ADAM2: variants seen among roughly 807,000 people sequenced by gnomAD.
The protein encoded by ADAM2 is ADAM metallopeptidase domain 2.
Under a neutral mutation model 99.3 loss-of-function variants are expected in ADAM2, and 101 were observed. That is an observed-to-expected ratio of 1.02 (90% confidence interval 0.87 to 1.20). ADAM2 has a LOEUF of 1.20. ADAM2 is among the 50% of genes most tolerant of loss of function. The pLI, the probability that ADAM2 is intolerant of heterozygous loss-of-function variation, is 0.00. For synonymous variants in ADAM2, 323 were observed against 287.6 expected, an observed-to-expected ratio of 1.12 and a Z score of -1.25; for missense variants, 948 against 878.7, an observed-to-expected ratio of 1.08 and a Z score of -1.00.
At chr8:39,771,984 C>A (rs1397890539) in intron 11 of ADAM2, among the ~76,000 whole-genome samples, 1 of 151,398 alleles carries the variant, frequency 6.6e-6, no homozygotes, top group Non-Finnish European at 1.5e-5. Flanking sequence ...ATGTAAATGA[C>A]CAGTTAATGG....
chr8:39,824,565 C>G lies in ADAM2; in HGVS notation c.267+254G>C, dbSNP rs1306750071. 4.6e-5 allele frequency among the ~76,000 whole-genome samples: 7 copies of G among 152,138 alleles called. No individual in the cohort carries two copies. The East Asian group carries it at 1.4e-3, about 29-fold the overall frequency. ...TACATATTTCACAACATATTTAGTC[C>G]CTATCACCTCAGGTACATAAGCCCT... On this transcript the variant is annotated intron_variant, in intron 4 of 20. Transcript: ENST00000265708.
chr8:39,776,886 T>C (rs1009384370), intron 11 of ADAM2, 139 bp downstream of exon 11: 82 of 567,200 alleles, frequency 1.4e-4, no homozygotes, highest in Non-Finnish European at 2.2e-4. Flanking sequence ...ATCGTGGGCA[T>C]TGGAATACAC....
intron 16 of ADAM2, among the ~76,000 whole-genome samples, chr8:39,754,265 T>C (rs1802064998): frequency 6.6e-6 from 1 of 152,158 alleles, no homozygotes; most frequent in Non-Finnish European, 1.5e-5. Context: ...TTGAAGGCCA[T>C]GTAAAGGAGG....
chr8:39,770,853 T>C (rs1292263997), intron 11 of ADAM2, among the ~76,000 whole-genome samples: 3 of 152,156 alleles, frequency 2.0e-5, no homozygotes, highest in African/African-American at 7.2e-5. Flanking sequence ...TTTCTATATA[T>C]TCAATATGTG....
In ADAM2 at chr8:39,821,092, G is replaced by A. The variant is rs917035776; in HGVS notation, c.423C>T (p.Tyr141=). ...ESSVGFEHVI[Y]QVKHKKADVS... Reference sequence around the variant, plus strand: ...CATCTGCTTTCTTATGTTTTACTTGGTAAATTACATGTTCAAAGCCAACTG... The same window carrying A: ...CATCTGCTTTCTTATGTTTTACTTGATAAATTACATGTTCAAAGCCAACTG... The change falls in exon 6 of 21, where the codon TAC becomes TAT. Residue 141 remains tyrosine, a synonymous_variant. Transcript: ENST00000265708. 6.2e-7 allele frequency: 1 copy of A among 1,609,052 alleles called. No homozygotes were observed. Among genetic ancestry groups the A allele is most frequent in the Non-Finnish European group, 8.5e-7 (1 of 1,176,120 alleles).
chr8:39,805,511 A>G (rs949192922), intron 7 of ADAM2, among the ~76,000 whole-genome samples: 4 of 152,230 alleles, frequency 2.6e-5, no homozygotes. Flanking sequence ...TCATTTCAAG[A>G]TTCTGGAAAA....
intron 3 of ADAM2, among the ~76,000 whole-genome samples, chr8:39,828,840 T>C (rs1805513651): frequency 6.6e-6 from 1 of 151,854 alleles, no homozygotes; most frequent in Non-Finnish European, 1.5e-5. Context: ...TGGATGCTAA[T>C]TTGAAAGAAA....
intron 4 of ADAM2, among the ~76,000 whole-genome samples, chr8:39,823,147 CTGTT>C (rs918033051): frequency 6.6e-6 from 1 of 152,144 alleles, no homozygotes; most frequent in African/African-American, 2.4e-5. Context: ...TGATGACTAT[CTGTT>C]TGTCCTGGAG....
At chr8:39,777,952 T>C (rs1246342191) in intron 10 of ADAM2, among the ~76,000 whole-genome samples, 4 of 149,906 alleles carry the variant, frequency 2.7e-5, no homozygotes, top group African/African-American at 9.7e-5. Context: ...ATGACTGATA[T>C]AAGAATTCTG....
chr8:39,830,852 C>A (rs1218571072), intron 3 of ADAM2, among the ~76,000 whole-genome samples: 1 of 152,092 alleles, frequency 6.6e-6, no homozygotes, highest in Non-Finnish European at 1.5e-5. Flanking sequence ...AATCTAATCA[C>A]CAATGTGATG....
intron 11 of ADAM2, among the ~76,000 whole-genome samples, chr8:39,775,726 T>C (rs1366332727): frequency 6.6e-6 from 1 of 152,122 alleles, no homozygotes; most frequent in African/African-American, 2.4e-5. Flanking sequence ...GTAGGTGACA[T>C]GAAGATCTGG....
rs1324408531 is a variant in ADAM2 at position 39,749,350 on chromosome 8, C to A, written c.1976G>T (p.Gly659Val). The change falls in exon 18 of 21, where the codon GGC becomes GTC. Residue 659 changes from glycine (G) to valine (V), a missense_variant. By Grantham distance (109) the Gly-to-Val change is moderately radical (BLOSUM62 -3). Coordinates refer to ENST00000265708, the MANE Select transcript of ADAM2 (RefSeq NM_001464.5). The part of the protein sequence containing the change: ...DLWPGGSIDS[G>V]NFPPVAIPAR... Reference sequence around the variant, plus strand: ...TGGTATAGCTACAGGTGGAAAATTGCCACTGTCAATACTCCCACCAGGCCA... The same window carrying A: ...TGGTATAGCTACAGGTGGAAAATTGACACTGTCAATACTCCCACCAGGCCA... 21 of 1,612,796 alleles carry A rather than the reference C, an allele frequency of 1.3e-5. No individual in the cohort carries two copies. Among genetic ancestry groups the A allele is most frequent in the Non-Finnish European group, 1.7e-5 (20 of 1,179,236 alleles).
At chr8:39,775,474 A>G (rs557696707) in intron 11 of ADAM2, among the ~76,000 whole-genome samples, 2 of 152,222 alleles carry the variant, frequency 1.3e-5, no homozygotes, top group South Asian at 4.1e-4. Flanking sequence ...CACTTCTCTC[A>G]TACAAGGTGG....
At chr8:39,818,091 C>T (rs771060758) in intron 6 of ADAM2, 1 of 151,994 alleles carries the variant, frequency 6.6e-6, no homozygotes, top group African/African-American at 2.4e-5. Flanking sequence ...GTTTGTAACA[C>T]CCTGATACCA....
At position 39,776,598 on chromosome 8, in the gene ADAM2, T is replaced by C. The variant is rs149715119; in HGVS notation, c.1028+427A>G. Among the ~76,000 whole-genome samples the C allele has an allele frequency of 1.2e-4, 18 of 152,212 alleles. No individual in the cohort carries two copies. The East Asian group carries it at 3.5e-3, about 29-fold the overall frequency. ...CTGATTAGAATACTGCAAACGACTT[T>C]CTCTCATGACAAAGAAAAAGCTGAA... On this transcript the variant is annotated intron_variant, in intron 11 of 20. Transcript: ENST00000265708.
At chr8:39,805,652 C>G (rs1804405438) in intron 7 of ADAM2, among the ~76,000 whole-genome samples, 3 of 152,186 alleles carry the variant, frequency 2.0e-5, no homozygotes, top group Admixed American at 2.0e-4. Context: ...ATAGCTAGCT[C>G]TAGCCTGTGG....
At position 39,767,619 on chromosome 8, in the gene ADAM2, C is replaced by T. The variant is rs182526559; in HGVS notation, c.1213-368G>A. On this transcript the variant is annotated intron_variant, in intron 12 of 20. Coordinates refer to ENST00000265708, the MANE Select transcript of ADAM2 (RefSeq NM_001464.5). ...TAATTTAAAAATTATATTGCAGTGA[C>T]TACTTCTTATTAGAGTCTTCTGAAT... Among the ~76,000 whole-genome samples the T allele has an allele frequency of 2.6e-5, 4 of 152,204 alleles. No homozygotes were observed. The East Asian group carries it at 7.7e-4, about 29-fold the overall frequency.
chr8:39,832,325 C>T (rs1019045615), intron 3 of ADAM2, among the ~76,000 whole-genome samples: 2 of 152,092 alleles, frequency 1.3e-5, no homozygotes, highest in Admixed American at 6.5e-5. Flanking sequence ...GTTGGCCATG[C>T]CTGAAACTAA....
At chr8:39,831,238 C>A (rs986635631) in intron 3 of ADAM2, among the ~76,000 whole-genome samples, 1 of 142,540 alleles carries the variant, frequency 7.0e-6, no homozygotes, top group African/African-American at 2.6e-5. Context: ...GCATCACATG[C>A]AGAAATGAAA....
Sources: allele counts gnomAD v4.1 joint callset (sites outside exome capture counted in the v4.1 genomes callset), GRCh38; gene constraint gnomAD v4.1.1; transcripts MANE v1.5; gene names NCBI Gene and HGNC (gene_info 2026-07-23, HGNC 2026-07-21).